CUX1: variants seen among roughly 807,000 people sequenced by gnomAD.
The protein encoded by CUX1 is cut like homeobox 1, also known as protein CASP.
CUX1 carries 31 observed loss-of-function variants against 158.8 expected under a neutral mutation model. The observed-to-expected ratio is 0.20, with a 90% CI of 0.15 to 0.26. The LOEUF is 0.26. Ranked by LOEUF, CUX1 falls within the 10% of genes least tolerant of loss-of-function variation. CUX1 has a pLI of 1.00. For synonymous variants in CUX1, 879 were observed against 862.1 expected, an observed-to-expected ratio of 1.02 and a Z score of -0.34; for missense variants, 1,589 against 2,014.6, an observed-to-expected ratio of 0.79 and a Z score of 4.04.
At chr7:101,816,735 G>A (rs1425339667), upstream of CUX1, among the ~76,000 whole-genome samples, 4 of 144,690 alleles carry the variant, frequency 2.8e-5, no homozygotes, top group Admixed American at 6.8e-5. Flanking sequence ...CCGCCGGCTC[G>A]GGGGAGGGTC....
At position 102,255,456 on chromosome 7, in the gene CUX1, C is replaced by T; in HGVS notation, c.*6414C>T. ...TTTGGCTATGCATAAATGTGCACTT[C>T]CCCCATGCCCCCGTTCTTAAACTCT... On this transcript the variant is annotated 3_prime_UTR_variant, in exon 24 of 24. Coordinates refer to ENST00000292535, the MANE Select transcript of CUX1 (RefSeq NM_181552.4). 1 of 984,612 alleles carries T rather than the reference C, an allele frequency of 1.0e-6. No homozygotes were observed. Among genetic ancestry groups the T allele is most frequent in the Non-Finnish European group, 1.2e-6 (1 of 829,844 alleles). 61.0% of individuals were successfully genotyped at this position (984,612 alleles called of 1,614,324 possible).
rs1189474852 is a variant in CUX1, at chr7:102,257,233, C to T, written c.*8191C>T. ...ATCACCTCCCCTTCTCCAAGATTGC[C>T]GGGGGCCCTGATTTTGTTCTCTCTT... On this transcript the variant is annotated 3_prime_UTR_variant, in exon 24 of 24. Transcript: ENST00000292535. 29 of 985,142 alleles carry T rather than the reference C, an allele frequency of 2.9e-5. No individual in the cohort carries two copies. Among genetic ancestry groups the T allele is most frequent in the South Asian group, 2.4e-4 (5 of 21,266 alleles). The allele number at this position is 985,142 out of a possible 1,614,324, so 61.0% of individuals were successfully genotyped here.
intron 8 of CUX1, 67 bp downstream of exon 8, chr7:102,115,340 A>C: frequency 1.5e-6 from 2 of 1,359,744 alleles, no homozygotes; most frequent in Non-Finnish European, 1.0e-6. Context: ...TGAGTAGGGC[A>C]GGATCGAGAA....
chr7:102,005,428 G>A (rs1817228664), intron 2 of CUX1, among the ~76,000 whole-genome samples: 1 of 152,184 alleles, frequency 6.6e-6, no homozygotes, highest in African/African-American at 2.4e-5. Flanking sequence ...TCGAGCTCCT[G>A]GGCTCAAGCG....
At chr7:101,955,526 T>C (rs1809660860) in intron 2 of CUX1, among the ~76,000 whole-genome samples, 1 of 152,196 alleles carries the variant, frequency 6.6e-6, no homozygotes, top group African/African-American at 2.4e-5. Context: ...CAGGCATGCC[T>C]GACCTCCGCA....
intron 11 of CUX1, among the ~76,000 whole-genome samples, chr7:102,179,325 G>A (rs1792768183): frequency 1.3e-5 from 2 of 152,222 alleles, no homozygotes; most frequent in Admixed American, 6.5e-5. Context: ...TGAGATTACA[G>A]GTCTGAGCCT....
chr7:101,817,946 G>C lies in CUX1; in HGVS notation c.30+277G>C, dbSNP rs1236649484. ...GGAGCAAAGCTCGAGATGCAGGCTT[G>C]TATCAAACGAAGCGGGTTGGATTAA... is the stretch of plus-strand genomic sequence containing the variant. On this transcript the variant is annotated intron_variant, in intron 1 of 23. Coordinates refer to ENST00000292535, the MANE Select transcript of CUX1 (RefSeq NM_181552.4). The surrounding 1 kb of genome is among the most constrained non-coding windows in gnomAD (Gnocchi z 4.1). 6.6e-6 allele frequency among the ~76,000 whole-genome samples: 1 copy of C among 152,230 alleles called. No homozygotes were observed. The highest frequency in any genetic ancestry group is 2.4e-5 in the African/African-American group (1 of 41,454).
At chr7:101,886,893 C>T (rs143991736) in intron 1 of CUX1, among the ~76,000 whole-genome samples, 121 of 152,262 alleles carry the variant, frequency 7.9e-4, no homozygotes, top group African/African-American at 2.8e-3. Flanking sequence ...GGGAGGCTTG[C>T]TGAAGGGTAG....
At chr7:102,102,117 A>G (rs1829842230) in intron 5 of CUX1, among the ~76,000 whole-genome samples, 1 of 152,130 alleles carries the variant, frequency 6.6e-6, no homozygotes, top group African/African-American at 2.4e-5. Flanking sequence ...CATTTCTTCC[A>G]GGACCTGAAC....
intron 20 of CUX1, among the ~76,000 whole-genome samples, chr7:102,218,203 C>T (rs1446248430): frequency 6.6e-6 from 1 of 152,202 alleles, no homozygotes; most frequent in African/African-American, 2.4e-5. Context: ...CTTCGGCCTC[C>T]CGCTTTGGTT....
chr7:102,178,613 T>G lies in CUX1; in HGVS notation c.973T>G (p.Ser325Ala), dbSNP rs1554512862. The G allele has an allele frequency of 6.2e-7, 1 of 1,611,536 alleles. No individual in the cohort carries two copies. The highest frequency in any genetic ancestry group is 8.5e-7 in the Non-Finnish European group (1 of 1,178,868). The change falls in exon 11 of 24, where the codon TCA (serine) becomes GCA (alanine). Residue 325 changes from serine (S) to alanine (A), a missense_variant. Coordinates refer to ENST00000292535, the MANE Select transcript of CUX1 (RefSeq NM_181552.4). ...KLRENSASQI[S>A]QLEQQLSAKN... Reference sequence around the variant, plus strand: ...GCGGGAGAATTCGGCCAGCCAGATCTCACAGCTTGAGCAGCAGCTGAGCGC... The same window carrying G: ...GCGGGAGAATTCGGCCAGCCAGATCGCACAGCTTGAGCAGCAGCTGAGCGC...
chr7:102,081,211 C>G (rs552528444), intron 4 of CUX1, among the ~76,000 whole-genome samples: 11 of 152,270 alleles, frequency 7.2e-5, no homozygotes, highest in African/African-American at 2.6e-4. Context: ...CATTTGCATT[C>G]CCTCCCTATC....
At chr7:102,060,592 TACACACACACAAATAAACACACAC>T (rs1391963907) in intron 3 of CUX1, among the ~76,000 whole-genome samples, 25 of 87,010 alleles carry the variant, frequency 2.9e-4, no homozygotes, top group South Asian at 8.1e-4. Flanking sequence ...TATATATATA[TACACACACACAAATAAACACACAC>T]ACACACACAC....
At position 102,252,128 on chromosome 7, in the gene CUX1, T is replaced by A. The variant is rs577619585; in HGVS notation, c.*3086T>A. 185 of 984,268 alleles carry A rather than the reference T, an allele frequency of 1.9e-4. 1 individual carries two copies. The highest frequency in any genetic ancestry group is 1.6e-3 in the Middle Eastern group (3 of 1,910). The allele number at this position is 984,268 out of a possible 1,614,324, so 61.0% of individuals were successfully genotyped here. On this transcript the variant is annotated 3_prime_UTR_variant, in exon 24 of 24. Coordinates refer to ENST00000292535, the MANE Select transcript of CUX1 (RefSeq NM_181552.4). ...TTTTTTCCTCTATTATTTATTTTTT[T>A]AAAAAAAATAGAGATCCTAACCTTA...
rs147142075 is a variant in CUX1, at chr7:101,843,953, A to AGAG, written c.30+26286_30+26287insGGA. 2.6e-3 allele frequency among the ~76,000 whole-genome samples: 397 copies of AGAG among 152,326 alleles called. 11 individuals carry two copies. The East Asian group carries it at 0.066, about 25-fold the overall frequency. On this transcript the variant is annotated intron_variant, in intron 1 of 23. Transcript: ENST00000292535. ...AAAATAGAGCCAGACGGCCATTTGC[A>AGAG]GATTGGAAGTCACACACTTAGTCTG...
chr7:102,146,608 CTTTT>C (rs1389599082), intron 8 of CUX1, among the ~76,000 whole-genome samples: 2 of 151,924 alleles, frequency 1.3e-5, no homozygotes, highest in Admixed American at 1.3e-4. Context: ...TTCTTTCTTT[CTTTT>C]TTTTAAACAG....
At chr7:101,857,888 C>T (rs1427059755) in intron 1 of CUX1, among the ~76,000 whole-genome samples, 4 of 152,188 alleles carry the variant, frequency 2.6e-5, no homozygotes, top group South Asian at 4.1e-4. Flanking sequence ...TTTGGGAGGC[C>T]GAAGTGGGAG....
intron 3 of CUX1, among the ~76,000 whole-genome samples, chr7:102,039,504 C>T (rs937392796): frequency 2.6e-5 from 4 of 151,808 alleles, no homozygotes; most frequent in African/African-American, 4.8e-5. Flanking sequence ...AAAATGCAAA[C>T]GTTAGCCAAG....
intron 1 of CUX1, among the ~76,000 whole-genome samples, chr7:101,863,643 G>A (rs1351772352): frequency 6.6e-6 from 1 of 152,172 alleles, no homozygotes; most frequent in Admixed American, 6.5e-5. Flanking sequence ...GAGCCACTGC[G>A]CCCAGCCAGG....
Sources: gnomAD v4.1 joint callset for allele counts (sites outside exome capture counted in the v4.1 genomes callset) on GRCh38, gnomAD v4.1.1 for gene constraint, Gnocchi (gnomAD v3.1) non-coding constraint, MANE v1.5 for transcripts, NCBI Gene and HGNC (gene_info 2026-07-23, HGNC 2026-07-21) for gene names.